ZDHHC4: variants seen among roughly 807,000 people sequenced by gnomAD.
ZDHHC4 encodes the protein zDHHC palmitoyltransferase 4.
In ZDHHC4, 42 loss-of-function variants were observed where a neutral mutation model predicts 36.7. The ratio of observed to expected loss-of-function variants is 1.14; its 90% CI spans 0.89 to 1.48. The LOEUF (loss-of-function observed/expected upper bound fraction) is 1.48. ZDHHC4 is among the 40% of genes most tolerant of loss of function. The pLI is 0.00. For synonymous variants in ZDHHC4, 189 were observed against 166.6 expected, an observed-to-expected ratio of 1.13 and a Z score of -1.03; for missense variants, 457 against 421.5, an observed-to-expected ratio of 1.08 and a Z score of -0.74.
At chr7:6,582,035 G>A in intron 4 of ZDHHC4, 38 bp from the exon 5 acceptor site, 1 of 1,583,648 alleles carries the variant, frequency 6.3e-7, no homozygotes, top group Non-Finnish European at 8.6e-7. Flanking sequence ...TCTTCAAGAA[G>A]AAACCCCCAT....
intron 3 of ZDHHC4, 155 bp downstream of exon 3, chr7:6,580,833 C>T: frequency 1.4e-6 from 1 of 698,150 alleles, no homozygotes; most frequent in Non-Finnish European, 2.4e-6. Context: ...AGGAGGATCC[C>T]TTGAGCCAGG....
At chr7:6,579,281 A>C (rs1212424767) in intron 2 of ZDHHC4, among the ~76,000 whole-genome samples, 1 of 150,176 alleles carries the variant, frequency 6.7e-6, no homozygotes, top group Non-Finnish European at 1.5e-5. Context: ...GCTCACTGCA[A>C]CCTCCGCTTC....
intron 7 of ZDHHC4, among the ~76,000 whole-genome samples, chr7:6,587,439 C>A (rs189250938): frequency 1.4e-4 from 21 of 152,072 alleles, no homozygotes; most frequent in African/African-American, 5.1e-4. Context: ...TTTCTTGTGA[C>A]TTTCAAAAAT....
chr7:6,585,465 T>C (rs932160866), intron 7 of ZDHHC4, among the ~76,000 whole-genome samples: 1 of 150,920 alleles, frequency 6.6e-6, no homozygotes, highest in African/African-American at 2.4e-5. Flanking sequence ...AACTGATGAT[T>C]GAATAACTGG....
At chr7:6,581,337 C>T (rs1217375680) in intron 3 of ZDHHC4, among the ~76,000 whole-genome samples, 1 of 152,184 alleles carries the variant, frequency 6.6e-6, no homozygotes, top group African/African-American at 2.4e-5. Context: ...ATTGACATTC[C>T]CCGACCCATC....
intron 7 of ZDHHC4, 41 bp from the exon 8 acceptor site, chr7:6,588,576 C>A: frequency 6.3e-7 from 1 of 1,595,592 alleles, no homozygotes; most frequent in Non-Finnish European, 8.6e-7. Context: ...ATGGATGTCA[C>A]AGTCCAGCTG....
In ZDHHC4 at chr7:6,589,137, C is replaced by T. The variant is rs2115209586; in HGVS notation, c.*227C>T. 1.8e-6 allele frequency: 1 copy of T among 547,156 alleles called. No individual in the cohort carries two copies. Among genetic ancestry groups the T allele is most frequent in the South Asian group, 2.1e-5 (1 of 47,752 alleles). 33.9% of individuals were successfully genotyped at this position (547,156 alleles called of 1,614,324 possible). On this transcript the variant is annotated 3_prime_UTR_variant, in exon 8 of 8. Coordinates refer to ENST00000335965, the MANE Select transcript of ZDHHC4 (RefSeq NM_001134389.2). ...TGGTGTCAAGGGGATCAAGAGATGA[C>T]TTCTCAGAGGTTCTAGGTGATGCTG...
rs1781001971 is a variant in ZDHHC4 at position 6,583,371 on chromosome 7, C to T, written c.436C>T (p.Pro146Ser). 1.2e-6 allele frequency: 2 copies of T among 1,613,878 alleles called. No homozygotes were observed. Among genetic ancestry groups the T allele is most frequent in the Non-Finnish European group, 8.5e-7 (1 of 1,179,934 alleles). The change falls in exon 6 of 8, where the codon CCA becomes TCA. Residue 146 changes from proline (P) to serine (S), a missense_variant. By Grantham distance (74) the Pro-to-Ser change is moderately conservative (BLOSUM62 -1). Coordinates refer to ENST00000335965, the MANE Select transcript of ZDHHC4 (RefSeq NM_001134389.2). Reference protein sequence around the residue: ...HVYEFDEVMFPKNVRCSTCDL... With the variant: ...HVYEFDEVMFSKNVRCSTCDL... The stretch of plus-strand genomic sequence containing the variant: ...TTATGAATTTGATGAAGTGATGTTT[C>T]CAAAGAACGTGAGGTGCTCTACTTG...
intron 6 of ZDHHC4, 152 bp from the exon 7 acceptor site, chr7:6,584,864 C>A: frequency 8.7e-7 from 1 of 1,153,250 alleles, no homozygotes; most frequent in Non-Finnish European, 1.2e-6. Context: ...GTACTGGACA[C>A]CACAGTTCCA....
chr7:6,588,838 TG>T lies in ZDHHC4; in HGVS notation c.966del (p.Leu323PhefsTer32). 21 of 1,614,164 alleles carry T rather than the reference TG, an allele frequency of 1.3e-5. No individual in the cohort carries two copies. The highest frequency in any genetic ancestry group is 1.8e-5 in the Non-Finnish European group (21 of 1,180,004). Reference sequence around the variant, plus strand: ...AAGTCCACCGGAACATTCACTCCCATGGGCTTCGGAGCAACCTTCAAGAGAT... The same window carrying T: ...AAGTCCACCGGAACATTCACTCCCATGGCTTCGGAGCAACCTTCAAGAGAT... ...PQVHRNIHSH[G>X]LRSNLQEIFL... is the part of the protein sequence containing the mutation. On this transcript the variant is annotated frameshift_variant, in exon 8 of 8. Coordinates refer to ENST00000335965, the MANE Select transcript of ZDHHC4 (RefSeq NM_001134389.2). LOFTEE classifies it high-confidence loss of function.
intron 7 of ZDHHC4, among the ~76,000 whole-genome samples, chr7:6,586,369 T>C: frequency 6.6e-6 from 1 of 152,234 alleles, no homozygotes; most frequent in East Asian, 1.9e-4. Flanking sequence ...AGGCCTTTTC[T>C]GGACACTTCA....
intron 5 of ZDHHC4, 81 bp from the exon 6 acceptor site, chr7:6,583,225 T>C (rs1480053175): frequency 4.1e-6 from 6 of 1,451,940 alleles, no homozygotes; most frequent in Non-Finnish European, 5.7e-6. Context: ...GCAGTTTCAG[T>C]TGTGTTTTAT....
chr7:6,585,323 C>A, intron 7 of ZDHHC4, 63 bp downstream of exon 7: 1 of 1,577,802 alleles, frequency 6.3e-7, no homozygotes, highest in Non-Finnish European at 8.6e-7. Context: ...TTTATTTTTC[C>A]AGTAAAAGCA....
intron 7 of ZDHHC4, among the ~76,000 whole-genome samples, chr7:6,587,495 T>TA (rs1436658782): frequency 6.6e-6 from 1 of 152,224 alleles, no homozygotes. Flanking sequence ...AAAAATAACT[T>TA]ACAAAACTTT....
Position 6,581,617 on chromosome 7 carries a change from G to GT in ZDHHC4, c.129dup (p.Ile44TyrfsTer39). On this transcript the variant is annotated frameshift_variant, in exon 4 of 8. Transcript: ENST00000335965. LOFTEE classifies it high-confidence loss of function. ...TTCCTTTTGTTTCAGATATTTTCCTGTATAATTCCAGAATGTCTTCAGAGA... is the reference window on the plus strand; with the variant it reads ...TTCCTTTTGTTTCAGATATTTTCCTGTTATAATTCCAGAATGTCTTCAGAGA... 6.2e-7 allele frequency: 1 copy of GT among 1,610,560 alleles called. No individual in the cohort carries two copies. Among genetic ancestry groups the GT allele is most frequent in the Non-Finnish European group, 8.5e-7 (1 of 1,177,166 alleles).
intron 2 of ZDHHC4, 68 bp from the exon 3 acceptor site, chr7:6,580,487 C>T (rs1034955654): frequency 5.5e-5 from 73 of 1,324,004 alleles, no homozygotes; most frequent in Non-Finnish European, 7.5e-5. Flanking sequence ...GAGTTGATGT[C>T]TGAGAATGTG....
intron 5 of ZDHHC4, among the ~76,000 whole-genome samples, chr7:6,582,714 C>A (rs562021845): frequency 6.6e-6 from 1 of 151,926 alleles, no homozygotes; most frequent in African/African-American, 2.4e-5. Flanking sequence ...GATGGGGTTT[C>A]GCCATGTTGT....
intron 7 of ZDHHC4, among the ~76,000 whole-genome samples, chr7:6,587,312 G>A (rs1395295397): frequency 1.3e-5 from 2 of 151,794 alleles, no homozygotes; most frequent in African/African-American, 4.8e-5. Flanking sequence ...TGGGGTTTTG[G>A]GTTTTTTGGG....
intron 6 of ZDHHC4, 108 bp downstream of exon 6, chr7:6,583,539 G>A: frequency 7.0e-7 from 1 of 1,419,040 alleles, no homozygotes. Flanking sequence ...TTCACCCCCA[G>A]ATATGGTGTG....
Sources: gnomAD v4.1 joint callset for allele counts (sites outside exome capture counted in the v4.1 genomes callset) on GRCh38, gnomAD v4.1.1 for gene constraint, MANE v1.5 for transcripts, NCBI Gene and HGNC (gene_info 2026-07-23, HGNC 2026-07-21) for gene names.